SCARB2: variants seen among roughly 807,000 people sequenced by gnomAD.
SCARB2 encodes the protein scavenger receptor class B member 2, also known as lysosome membrane protein 2.
Under a neutral mutation model 58.6 loss-of-function variants are expected in SCARB2, and 29 were observed. The ratio of observed to expected loss-of-function variants is 0.49; its 90% CI spans 0.37 to 0.67. SCARB2 has a LOEUF of 0.67. Among genes scored for constraint, SCARB2 ranks in the 30% least tolerant of loss-of-function variants. The pLI is 0.00. For synonymous variants in SCARB2, 195 were observed against 210.1 expected, an observed-to-expected ratio of 0.93 and a Z score of 0.62; for missense variants, 488 against 578.5, an observed-to-expected ratio of 0.84 and a Z score of 1.60.
intron 10 of SCARB2, chr4:76,165,903 G>T: frequency 2.6e-6 from 1 of 385,854 alleles, no homozygotes; most frequent in South Asian, 2.8e-5. Context: ...GGGAGACAAA[G>T]GGCTAGCTGG....
chr4:76,205,710 A>G (rs1048746267), intron 1 of SCARB2, among the ~76,000 whole-genome samples: 1 of 152,196 alleles, frequency 6.6e-6, no homozygotes, highest in Admixed American at 6.5e-5. Context: ...GACACAGGCC[A>G]TGGGTTTGTA....
At position 76,168,474 on chromosome 4, in the gene SCARB2, C is replaced by T. The variant is rs564647544; in HGVS notation, c.1116G>A (p.Leu372=). 33 of 1,613,512 alleles carry T rather than the reference C, an allele frequency of 2.0e-5. No individual in the cohort carries two copies. In the East Asian group the frequency reaches 6.7e-4, roughly 33 times the overall value. The change falls in exon 9 of 12, where the codon TTG becomes TTA. Residue 372 remains leucine, a splice_region_variant and synonymous_variant. Transcript: ENST00000264896. ...TGGCTGCTTTTAGGATTATTCCAGT[C>T]AACTGCAAATCAGAGAAGTGAAAAG... ...DHETFVDINP[L]TGIILKAAKR... is the part of the protein sequence containing the mutation.
chr4:76,231,666 T>C (rs1733495892), intron 1 of SCARB2, among the ~76,000 whole-genome samples: 1 of 152,220 alleles, frequency 6.6e-6, no homozygotes, highest in Admixed American at 6.5e-5. Context: ...TTGGCTTCGA[T>C]GGAAGTTTGT....
chr4:76,181,920 A>C (rs757855188), intron 2 of SCARB2, among the ~76,000 whole-genome samples: 32 of 152,150 alleles, frequency 2.1e-4, no homozygotes, highest in Non-Finnish European at 7.4e-5. Context: ...CAAATGAAGC[A>C]TTAGAAAGTT....
intron 1 of SCARB2, among the ~76,000 whole-genome samples, chr4:76,200,135 A>G (rs1401131863): frequency 6.6e-6 from 1 of 152,194 alleles, no homozygotes; most frequent in Non-Finnish European, 1.5e-5. Flanking sequence ...GCCAGTCTGA[A>G]CAGAAAGCCA....
intron 1 of SCARB2, among the ~76,000 whole-genome samples, chr4:76,230,500 G>A (rs949628679): frequency 1.4e-4 from 22 of 152,260 alleles, no homozygotes; most frequent in Non-Finnish European, 1.2e-4. Flanking sequence ...CTGCCCACAC[G>A]ATGGGCCATG....
intron 11 of SCARB2, chr4:76,162,756 A>G (rs939768241): frequency 2.6e-5 from 6 of 233,870 alleles, no homozygotes; most frequent in Admixed American, 2.1e-4. Context: ...TAAGTCTACT[A>G]TATCATCTAA....
chr4:76,214,385 C>CA (rs1560724516), upstream of SCARB2: 4 of 424,630 alleles, frequency 9.4e-6, no homozygotes, highest in East Asian at 3.0e-4. Context: ...GGAAGATGTG[C>CA]AAAAAAGGGA....
intron 1 of SCARB2, 37 bp downstream of exon 1, chr4:76,213,390 C>A (rs749742449): frequency 2.8e-6 from 4 of 1,406,852 alleles, no homozygotes; most frequent in Non-Finnish European, 4.0e-6. Context: ...GTGAGCTGGA[C>A]GACTCCACAA....
At chr4:76,224,019 G>A (rs973445340) in intron 1 of SCARB2, among the ~76,000 whole-genome samples, 1 of 152,118 alleles carries the variant, frequency 6.6e-6, no homozygotes, top group African/African-American at 2.4e-5. Context: ...TGCCAAACCA[G>A]GAGACCTCCC....
At chr4:76,182,376 T>C (rs1441923) in intron 2 of SCARB2, among the ~76,000 whole-genome samples, 16,661 of 152,222 alleles carry the variant, frequency 0.11, 1,126 homozygotes, top group East Asian at 0.21. Context: ...ATATTGATTA[T>C]ATATTGAAAT....
intron 10 of SCARB2, chr4:76,165,265 A>G (rs1163919802): frequency 6.6e-6 from 1 of 152,210 alleles, no homozygotes; most frequent in East Asian, 1.9e-4. Flanking sequence ...TAAAAACCTC[A>G]TCTTAGAATT....
At chr4:76,192,376 T>C (rs1732624226) in intron 2 of SCARB2, 1 of 152,216 alleles carries the variant, frequency 6.6e-6, no homozygotes, top group African/African-American at 2.4e-5. Context: ...AGTTCACATG[T>C]GTTATGCCTT....
At chr4:76,214,105 T>C (rs1733148459), upstream of SCARB2, 2 of 405,882 alleles carry the variant, frequency 4.9e-6, no homozygotes, top group Admixed American at 5.5e-5. Context: ...CACACACTCA[T>C]TTACTCATTC....
intron 11 of SCARB2, chr4:76,162,988 CAA>C: frequency 4.9e-6 from 3 of 614,458 alleles, no homozygotes; most frequent in Non-Finnish European, 2.9e-6. Flanking sequence ...GGGATACATC[CAA>C]AGAGATTCTA....
chr4:76,195,485 C>T (rs897831142), intron 2 of SCARB2: 169 of 563,100 alleles, frequency 3.0e-4, no homozygotes, highest in Non-Finnish European at 3.2e-4. Context: ...GAAACCGCTG[C>T]ACTTCAAAAC....
chr4:76,165,965 C>G, intron 10 of SCARB2: 2 of 528,144 alleles, frequency 3.8e-6, no homozygotes, highest in Non-Finnish European at 6.8e-6. Flanking sequence ...CTGCCAATGG[C>G]TCCTTTTACC....
intron 1 of SCARB2, among the ~76,000 whole-genome samples, chr4:76,221,595 C>T (rs542482516): frequency 6.6e-6 from 1 of 152,298 alleles, no homozygotes; most frequent in East Asian, 1.9e-4. Context: ...GCTGGGATTA[C>T]AGGCATGAGC....
At chr4:76,219,592 GT>G (rs1219452899) in intron 1 of SCARB2, among the ~76,000 whole-genome samples, 1 of 152,180 alleles carries the variant, frequency 6.6e-6, no homozygotes, top group Non-Finnish European at 1.5e-5. Flanking sequence ...AGAAAGCCAG[GT>G]TTACTCAGCA....
Sources: allele counts gnomAD v4.1 joint callset (sites outside exome capture counted in the v4.1 genomes callset), GRCh38; gene constraint gnomAD v4.1.1; transcripts MANE v1.5; gene names NCBI Gene and HGNC (gene_info 2026-07-23, HGNC 2026-07-21).